Variants in THSD7A observed in about 807,000 individuals in gnomAD.
The protein encoded by THSD7A is thrombospondin type-1 domain-containing protein 7A.
In THSD7A, 96 loss-of-function variants were observed where a neutral mutation model predicts 231.3. The ratio of observed to expected loss-of-function variants is 0.41; its 90% CI spans 0.35 to 0.49. The LOEUF is 0.49. Ranked by LOEUF, THSD7A falls within the 20% of genes least tolerant of loss-of-function variation. The probability of loss-of-function intolerance (pLI) is 0.05; values close to 1 mark genes in which losing one functional copy is unlikely to be tolerated. For synonymous variants in THSD7A, 940 were observed against 743.3 expected (o/e 1.26, Z -4.30); for missense variants, 2,290 against 2,070.2 (o/e 1.11, Z -2.06).
At chr7:11,772,532 C>T (rs1055697655) in intron 1 of THSD7A, among the ~76,000 whole-genome samples, 1 of 152,144 alleles carries the variant, frequency 6.6e-6, no homozygotes, top group East Asian at 1.9e-4. Context: ...CCATGAAATA[C>T]TATGTACCCA....
chr7:11,741,012 T>C (rs1782095182), intron 1 of THSD7A, among the ~76,000 whole-genome samples: 1 of 151,946 alleles, frequency 6.6e-6, no homozygotes, highest in African/African-American at 2.4e-5. Context: ...TCATATAAAT[T>C]ATTTTTCAAA....
intron 4 of THSD7A, among the ~76,000 whole-genome samples, chr7:11,574,598 C>G (rs1452681828): frequency 6.6e-6 from 1 of 150,420 alleles, no homozygotes; most frequent in Non-Finnish European, 1.5e-5. Context: ...CCACGCCCGG[C>G]TAATTTTTTT....
intron 2 of THSD7A, among the ~76,000 whole-genome samples, chr7:11,614,229 A>G (rs1781029675): frequency 6.6e-6 from 1 of 152,178 alleles, no homozygotes; most frequent in African/African-American, 2.4e-5. Flanking sequence ...CCCTTTAACT[A>G]TAACTCTGGA....
At chr7:11,768,024 G>A (rs1783086495) in intron 1 of THSD7A, among the ~76,000 whole-genome samples, 1 of 152,120 alleles carries the variant, frequency 6.6e-6, no homozygotes, top group African/African-American at 2.4e-5. Flanking sequence ...ATCTAGGAGT[G>A]ATCATTTACA....
At chr7:11,516,651 A>C (rs1788042197) in intron 6 of THSD7A, among the ~76,000 whole-genome samples, 1 of 152,190 alleles carries the variant, frequency 6.6e-6, no homozygotes. Context: ...TTTAAGAAAA[A>C]ATTTGCTATT....
At chr7:11,568,292 CCTT>C (rs1790452555) in intron 4 of THSD7A, among the ~76,000 whole-genome samples, 2 of 151,990 alleles carry the variant, frequency 1.3e-5, no homozygotes, top group African/African-American at 4.8e-5. Context: ...ACTCTGCTGA[CCTT>C]CTGCATATCT....
rs145442039 is a variant in THSD7A at position 11,807,105 on chromosome 7, T to C, written c.190+24652A>G. On this transcript the variant is annotated intron_variant, in intron 1 of 27. Transcript: ENST00000423059. The stretch of plus-strand genomic sequence containing the variant: ...AAGTGATCACTACTAAGTACTTTTT[T>C]ACTCTGAAGTGTTTTAAACAAACAG... 6.8e-3 allele frequency among the ~76,000 whole-genome samples: 1,042 copies of C among 152,276 alleles called. 6 individuals are homozygous for C. The highest frequency in any genetic ancestry group is 0.011 in the Non-Finnish European group (749 of 68,026).
At chr7:11,762,279 G>A (rs539928082) in intron 1 of THSD7A, among the ~76,000 whole-genome samples, 1 of 152,230 alleles carries the variant, frequency 6.6e-6, no homozygotes, top group East Asian at 1.9e-4. Flanking sequence ...TAGGTTGAAT[G>A]GTAATGATAT....
intron 22 of THSD7A, among the ~76,000 whole-genome samples, chr7:11,402,323 CAT>C (rs1783434468): frequency 6.6e-6 from 1 of 152,184 alleles, no homozygotes; most frequent in East Asian, 1.9e-4. Context: ...GTTTATTACA[CAT>C]GAGTTACACT....
intron 1 of THSD7A, among the ~76,000 whole-genome samples, chr7:11,713,888 A>G (rs1355532497): frequency 6.6e-6 from 1 of 151,316 alleles, no homozygotes; most frequent in Non-Finnish European, 1.5e-5. Flanking sequence ...GGTGATAATA[A>G]GCAATAGGTG....
chr7:11,406,612 T>A lies in THSD7A; in HGVS notation c.4063-138A>T. On this transcript the variant is annotated intron_variant, in intron 21 of 27. Transcript: ENST00000423059. The surrounding 1 kb of genome is among the most constrained non-coding windows in gnomAD (Gnocchi z 4.7). ...ATTTGAAACCCTAGGGAAGAAGCCC[T>A]ATAGGGCACTAGCAATAAAGCATAC... is the stretch of plus-strand genomic sequence containing the variant. The A allele has an allele frequency of 1.1e-6, 1 of 940,214 alleles. No homozygotes were observed. The highest frequency in any genetic ancestry group is 1.5e-6 in the Non-Finnish European group (1 of 646,354). 58.2% of individuals were successfully genotyped at this position (940,214 alleles called of 1,614,324 possible). A position where few individuals can be genotyped will look rare whatever the true frequency, so the allele number is the denominator to read the frequency against.
Position 11,831,603 on chromosome 7 carries a change from G to A in THSD7A, c.190+154C>T, listed in dbSNP as rs912802195. Among the ~76,000 whole-genome samples, 13 of 152,162 alleles carry A rather than the reference G, an allele frequency of 8.5e-5. No individual in the cohort carries two copies. The highest frequency in any genetic ancestry group is 1.6e-4 in the Non-Finnish European group (11 of 68,032). On this transcript the variant is annotated intron_variant, in intron 1 of 27. Coordinates refer to ENST00000423059, the MANE Select transcript of THSD7A (RefSeq NM_015204.3). This position sits in a 1 kb window ranked among gnomAD's most constrained non-coding sequence, Gnocchi z 5.0. ...TTTCTTTCCTAATTGCATCGGACAT[G>A]ACCTATTTGCTTCCTAAGAAATCAT...
chr7:11,433,727 A>G (rs538012414), intron 13 of THSD7A, among the ~76,000 whole-genome samples: 3 of 152,070 alleles, frequency 2.0e-5, no homozygotes, highest in African/African-American at 7.2e-5. Flanking sequence ...ACATGTCACT[A>G]CCCCACAGAG....
chr7:11,785,219 T>G (rs773278158), intron 1 of THSD7A, among the ~76,000 whole-genome samples: 9 of 152,118 alleles, frequency 5.9e-5, no homozygotes, highest in Non-Finnish European at 8.8e-5. Context: ...GTTATTTAAT[T>G]AATTAATTAA....
chr7:11,585,446 C>G (rs536072844), intron 4 of THSD7A, among the ~76,000 whole-genome samples: 2 of 152,110 alleles, frequency 1.3e-5, no homozygotes, highest in African/African-American at 4.8e-5. Context: ...TTCTTGGAAG[C>G]CTTGACTAAT....
At chr7:11,553,419 T>C (rs1001440433) in intron 4 of THSD7A, among the ~76,000 whole-genome samples, 1 of 152,120 alleles carries the variant, frequency 6.6e-6, no homozygotes, top group African/African-American at 2.4e-5. Flanking sequence ...AAGAGTTATT[T>C]GGAATCAGTG....
chr7:11,764,149 T>C (rs1782953123), intron 1 of THSD7A, among the ~76,000 whole-genome samples: 1 of 152,182 alleles, frequency 6.6e-6, no homozygotes, highest in Admixed American at 6.5e-5. Context: ...AATCCTACCT[T>C]AAATTAAATG....
Position 11,758,676 on chromosome 7 carries a change from G to A in THSD7A, c.190+73081C>T, listed in dbSNP as rs546215345. The stretch of plus-strand genomic sequence containing the variant: ...GTCTTATCATTGTTTCTATTTGGAA[G>A]GGAATAAGCAAAAAGTATCCTATGA... On this transcript the variant is annotated intron_variant, in intron 1 of 27. Coordinates refer to ENST00000423059, the MANE Select transcript of THSD7A (RefSeq NM_015204.3). Among the ~76,000 whole-genome samples, 53 of 152,172 alleles carry A rather than the reference G, an allele frequency of 3.5e-4. No homozygotes were observed. In the South Asian group the frequency reaches 0.011, roughly 31 times the overall value.
intron 6 of THSD7A, among the ~76,000 whole-genome samples, chr7:11,490,755 GT>G (rs1411239179): frequency 6.6e-6 from 1 of 151,834 alleles, no homozygotes; most frequent in East Asian, 1.9e-4. Flanking sequence ...TCCACATTTA[GT>G]TTTTTAGTAA....
Sources: allele counts gnomAD v4.1 joint callset (sites outside exome capture counted in the v4.1 genomes callset), GRCh38; gene constraint gnomAD v4.1.1; non-coding constraint Gnocchi (gnomAD v3.1); transcripts MANE v1.5; gene names NCBI Gene and HGNC (gene_info 2026-07-23, HGNC 2026-07-21).